Variants in GALNTL6 observed in about 807,000 individuals in gnomAD.
GALNTL6 encodes the protein polypeptide N-acetylgalactosaminyltransferase like 6.
GALNTL6 carries 46 observed loss-of-function variants against 73.7 expected under a neutral mutation model. That is an observed-to-expected ratio of 0.62 (90% confidence interval 0.49 to 0.80). The LOEUF (loss-of-function observed/expected upper bound fraction) is 0.80, where lower values mean the gene tolerates loss of function less well. Among genes scored for constraint, GALNTL6 ranks in the 30% least tolerant of loss-of-function variants. The probability of loss-of-function intolerance (pLI) is 0.00; values close to 1 mark genes in which losing one functional copy is unlikely to be tolerated. For missense variants in GALNTL6, 604 were observed against 755.0 expected, an observed-to-expected ratio of 0.80 and a Z score of 2.34; for synonymous variants, 259 against 263.7, an observed-to-expected ratio of 0.98 and a Z score of 0.17.
At chr4:172,713,222 A>G (rs1319923366) in intron 5 of GALNTL6, among the ~76,000 whole-genome samples, 14 of 139,132 alleles carry the variant, frequency 1.0e-4, no homozygotes, top group East Asian at 2.2e-4. Context: ...AAAGAATAAG[A>G]TGTGTGTGTG....
At chr4:172,397,153 A>G (rs1743877652) in intron 5 of GALNTL6, among the ~76,000 whole-genome samples, 1 of 152,170 alleles carries the variant, frequency 6.6e-6, no homozygotes, top group African/African-American at 2.4e-5. Flanking sequence ...AATCTTAGAA[A>G]TTATAGTATT....
At chr4:172,209,642 T>C (rs867299121) in intron 2 of GALNTL6, among the ~76,000 whole-genome samples, 23 of 152,224 alleles carry the variant, frequency 1.5e-4, no homozygotes, top group South Asian at 6.2e-4. Context: ...CACATTTCAC[T>C]TTCTCATTTT....
intron 7 of GALNTL6, among the ~76,000 whole-genome samples, chr4:172,859,364 A>G (rs1264655375): frequency 6.6e-6 from 1 of 152,102 alleles, no homozygotes; most frequent in Non-Finnish European, 1.5e-5. Context: ...ATTGCAGGAG[A>G]TTAGGTCATG....
intron 3 of GALNTL6, among the ~76,000 whole-genome samples, chr4:172,247,728 C>G (rs1169018822): frequency 6.6e-6 from 1 of 152,096 alleles, no homozygotes; most frequent in Non-Finnish European, 1.5e-5. Context: ...AAGCTAGGAC[C>G]CTCCACCCCA....
chr4:172,500,440 GAAAACTA>G (rs1734221398), intron 5 of GALNTL6, among the ~76,000 whole-genome samples: 1 of 152,004 alleles, frequency 6.6e-6, no homozygotes, highest in Non-Finnish European at 1.5e-5. Flanking sequence ...CAAAACCTCT[GAAAACTA>G]AAAACAAAGA....
At chr4:171,939,351 T>A (rs1267857233) in intron 2 of GALNTL6, among the ~76,000 whole-genome samples, 1 of 152,018 alleles carries the variant, frequency 6.6e-6, no homozygotes, top group African/African-American at 2.4e-5. Context: ...ATTAGAAAAT[T>A]TGATATACTA....
At chr4:172,979,136 A>T (rs1750965843) in intron 10 of GALNTL6, among the ~76,000 whole-genome samples, 1 of 152,230 alleles carries the variant, frequency 6.6e-6, no homozygotes, top group African/African-American at 2.4e-5. Context: ...GCACATCCAA[A>T]TTAATGGTTA....
At chr4:172,025,835 A>AAC (rs1741556448) in intron 2 of GALNTL6, among the ~76,000 whole-genome samples, 2 of 151,642 alleles carry the variant, frequency 1.3e-5, no homozygotes, top group African/African-American at 2.4e-5. Context: ...TTAACTGTTT[A>AAC]TGAAGGTTTC....
At chr4:172,861,319 ATGTGTGTGTGTG>A (rs10664817) in intron 7 of GALNTL6, among the ~76,000 whole-genome samples, 9 of 146,276 alleles carry the variant, frequency 6.2e-5, no homozygotes, top group African/African-American at 1.1e-4. Flanking sequence ...TTTTGCTTAC[ATGTGTGTGTGTG>A]TGTGTGTGTG....
intron 2 of GALNTL6, among the ~76,000 whole-genome samples, chr4:171,893,949 G>GCCCA (rs1041300109): frequency 5.8e-5 from 7 of 120,912 alleles, no homozygotes; most frequent in African/African-American, 2.3e-4. Context: ...TTCCTCCTTT[G>GCCCA]CCCACCCACC....
At chr4:172,010,925 G>T (rs1467906430) in intron 2 of GALNTL6, among the ~76,000 whole-genome samples, 1 of 152,050 alleles carries the variant, frequency 6.6e-6, no homozygotes, top group Non-Finnish European at 1.5e-5. Context: ...GATGGTTCTT[G>T]TAAGATGGAT....
chr4:171,990,817 T>C (rs1192228686), intron 2 of GALNTL6, among the ~76,000 whole-genome samples: 1 of 152,186 alleles, frequency 6.6e-6, no homozygotes, highest in Admixed American at 6.5e-5. Flanking sequence ...TGACATATGA[T>C]ATCTACTGGA....
At chr4:172,145,410 G>A (rs1278644262) in intron 2 of GALNTL6, among the ~76,000 whole-genome samples, 1 of 152,088 alleles carries the variant, frequency 6.6e-6, no homozygotes, top group African/African-American at 2.4e-5. Context: ...AAAGTGCTGG[G>A]ATTATAGGCG....
At position 171,832,398 on chromosome 4, in the gene GALNTL6, T is replaced by G. The variant is rs540676606; in HGVS notation, c.138+17680T>G. Among the ~76,000 whole-genome samples the G allele has an allele frequency of 4.0e-5, 6 of 151,724 alleles. No individual in the cohort carries two copies. The East Asian group carries it at 1.2e-3, about 29-fold the overall frequency. On this transcript the variant is annotated intron_variant, in intron 2 of 12. Transcript: ENST00000506823. ...TATTTAATATGTTCTTGTTTTCATATCTACCTTTTATTGTCTTGTTTATGG... is the reference window on the plus strand; with the variant it reads ...TATTTAATATGTTCTTGTTTTCATAGCTACCTTTTATTGTCTTGTTTATGG...
At chr4:172,249,952 G>GC (rs1737797952) in intron 3 of GALNTL6, among the ~76,000 whole-genome samples, 1 of 152,170 alleles carries the variant, frequency 6.6e-6, no homozygotes, top group Admixed American at 6.5e-5. Flanking sequence ...CTAGGGCACT[G>GC]CCTAGTGGAG....
chr4:172,597,921 CTT>C (rs202013498), intron 5 of GALNTL6, among the ~76,000 whole-genome samples: 5 of 141,466 alleles, frequency 3.5e-5, no homozygotes, highest in Admixed American at 7.1e-5. Context: ...CTTTTCATTT[CTT>C]TTTTTTTTTT....
intron 7 of GALNTL6, among the ~76,000 whole-genome samples, chr4:172,872,632 C>T (rs148266352): frequency 6.6e-6 from 1 of 152,276 alleles, no homozygotes; most frequent in African/African-American, 2.4e-5. Flanking sequence ...AGAGTAACTA[C>T]AAGAAACACT....
At chr4:172,461,765 T>C (rs746365292) in intron 5 of GALNTL6, among the ~76,000 whole-genome samples, 6 of 152,210 alleles carry the variant, frequency 3.9e-5, no homozygotes, top group Non-Finnish European at 7.3e-5. Flanking sequence ...TCTTGGGCAC[T>C]ATTCAAAGAT....
intron 2 of GALNTL6, among the ~76,000 whole-genome samples, chr4:172,033,148 AACAACTTTATTAC>A (rs888684694): frequency 5.9e-5 from 9 of 151,692 alleles, no homozygotes; most frequent in African/African-American, 1.9e-4. Context: ...AGCTGTTCCA[AACAACTTTATTAC>A]ACACACACGG....
Sources: gnomAD v4.1 joint callset for allele counts (sites outside exome capture counted in the v4.1 genomes callset) on GRCh38, gnomAD v4.1.1 for gene constraint, MANE v1.5 for transcripts, NCBI Gene and HGNC (gene_info 2026-07-23, HGNC 2026-07-21) for gene names.